The following YIPF7 variants were observed in gnomAD, a reference collection of about 807,000 sequenced individuals.
The protein encoded by YIPF7 is Yip1 domain family member 7, also known as protein YIPF7.
YIPF7 carries 35 observed loss-of-function variants against 27.2 expected under a neutral mutation model. The observed-to-expected ratio is 1.29, with a 90% CI of 0.98 to 1.70. YIPF7 has a LOEUF of 1.70. YIPF7 is among the 40% of genes most tolerant of loss of function. YIPF7 has a pLI of 0.00. For synonymous variants in YIPF7, 137 were observed against 110.4 expected, an observed-to-expected ratio of 1.24 and a Z score of -1.51; for missense variants, 358 against 303.7, an observed-to-expected ratio of 1.18 and a Z score of -1.33.
chr4:44,657,647 G>A (rs1324593753), intron 2 of YIPF7, among the ~76,000 whole-genome samples: 1 of 152,114 alleles, frequency 6.6e-6, no homozygotes, highest in Non-Finnish European at 1.5e-5. Flanking sequence ...GACCATTGCA[G>A]TCTTTCCGTC....
In YIPF7 at chr4:44,650,505, GCGCACA is replaced by G. The variant is rs1321574877; in HGVS notation, c.-1-410_-1-405del. ...CAGGCGCACACACATGCGCGCGCGC[GCGCACA>G]CACACACACACACACACACACTTGT... On this transcript the variant is annotated intron_variant, in intron 1 of 5. Transcript: ENST00000415895. Among the ~76,000 whole-genome samples the G allele has an allele frequency of 1.9e-3, 238 of 122,358 alleles. 2 individuals are homozygous for G. The highest frequency in any genetic ancestry group is 4.4e-3 in the South Asian group (18 of 4,088). The allele number at this position is 122,358 out of a possible 152,430, so 80.3% of individuals were successfully genotyped here.
chr4:44,636,974 G>A (rs958628366), intron 2 of YIPF7, among the ~76,000 whole-genome samples: 4 of 151,974 alleles, frequency 2.6e-5, no homozygotes, highest in Non-Finnish European at 5.9e-5. Flanking sequence ...CGTATTTTTA[G>A]CACGTTTATG....
upstream of YIPF7, among the ~76,000 whole-genome samples, chr4:44,655,839 C>T (rs1713886176): frequency 2.0e-5 from 3 of 148,004 alleles, no homozygotes; most frequent in Admixed American, 2.0e-4. Flanking sequence ...GAAACTACAG[C>T]CCTGAATATT....
chr4:44,626,950 T>TC (rs1712676246), intron 4 of YIPF7, among the ~76,000 whole-genome samples: 2 of 102,956 alleles, frequency 1.9e-5, no homozygotes, highest in Non-Finnish European at 4.3e-5. Context: ...TAATTTTCTG[T>TC]ATTTTTTTTT....
chr4:44,632,880 G>T (rs1712963602), intron 3 of YIPF7, among the ~76,000 whole-genome samples: 1 of 152,082 alleles, frequency 6.6e-6, no homozygotes, highest in Admixed American at 6.6e-5. Flanking sequence ...TTCTAATACA[G>T]GTGTCCCCAA....
chr4:44,644,844 G>T (rs551425401), intron 2 of YIPF7, among the ~76,000 whole-genome samples: 9 of 152,222 alleles, frequency 5.9e-5, no homozygotes, highest in African/African-American at 2.2e-4. Flanking sequence ...GGAGGTGATT[G>T]GATCATGGAG....
chr4:44,660,919 C>T (rs556968507), intron 1 of YIPF7, among the ~76,000 whole-genome samples: 15 of 152,060 alleles, frequency 9.9e-5, no homozygotes, highest in Admixed American at 2.0e-4. Context: ...TACTGGTGCC[C>T]AGGTTAATGT....
chr4:44,649,917 T>A (rs1469851376), intron 2 of YIPF7, 68 bp downstream of exon 2: 2 of 852,694 alleles, frequency 2.3e-6, no homozygotes, highest in Admixed American at 5.9e-5. Context: ...ATATTGAATT[T>A]TTACAATATG....
chr4:44,622,481 T>G lies in YIPF7; in HGVS notation c.704A>C (p.Gln235Pro), dbSNP rs371612304. ...IFIAALHMEG[Q>P]QLLVAYPCAI... ...ACAAGGGTAGGCAACAAGAAGCTGC[T>G]GTCCTTCCATGTGCAAGGCTGCAAT... Residue 235 changes from glutamine (Q) to proline (P), a missense_variant, in exon 6 of 6, where the codon CAG (glutamine) becomes CCG (proline). By Grantham distance (76) the Gln-to-Pro change is moderately conservative. Transcript: ENST00000415895. The G allele has an allele frequency of 2.3e-4, 376 of 1,613,826 alleles. No homozygotes were observed. The highest frequency in any genetic ancestry group is 3.1e-4 in the Non-Finnish European group (366 of 1,179,858).
chr4:44,636,403 CAT>C (rs1322426816), intron 2 of YIPF7, among the ~76,000 whole-genome samples: 2 of 152,198 alleles, frequency 1.3e-5, no homozygotes, highest in Middle Eastern at 3.4e-3. Context: ...CAGAAAAAGA[CAT>C]AGAATTTCAC....
chr4:44,624,620 C>T lies in YIPF7; in HGVS notation c.589G>A (p.Ala197Thr), dbSNP rs1037307165. 1.1e-5 allele frequency: 17 copies of T among 1,592,220 alleles called. No individual in the cohort carries two copies. The highest frequency in any genetic ancestry group is 1.8e-5 in the Admixed American group (1 of 56,876). Residue 197 changes from alanine to threonine, a missense_variant, in exon 5 of 6, where the codon GCC becomes ACC. Physicochemically the swap from Ala to Thr is moderately conservative, Grantham distance 58. Transcript: ENST00000415895. ...LLPMVILSGC[A>T]MFFSLQGIFG... ...ACTTACTGCAGTGAAAAGAACATGGCGCAACCAGACAGGATGACCATGGGG... is the reference window on the plus strand; with the variant it reads ...ACTTACTGCAGTGAAAAGAACATGGTGCAACCAGACAGGATGACCATGGGG...
intron 2 of YIPF7, among the ~76,000 whole-genome samples, chr4:44,647,688 C>T (rs1042785651): frequency 2.6e-5 from 4 of 152,034 alleles, no homozygotes; most frequent in African/African-American, 9.7e-5. Flanking sequence ...AGATATTCAA[C>T]TTTTCCAGCC....
intron 3 of YIPF7, among the ~76,000 whole-genome samples, chr4:44,634,784 T>A (rs1440933679): frequency 1.3e-5 from 2 of 152,174 alleles, no homozygotes; most frequent in African/African-American, 4.8e-5. Context: ...ATTCTTATGT[T>A]TCTATGTTTT....
chr4:44,631,330 C>T (rs1269549055), intron 3 of YIPF7, among the ~76,000 whole-genome samples: 1 of 152,072 alleles, frequency 6.6e-6, no homozygotes, highest in Non-Finnish European at 1.5e-5. Flanking sequence ...ACTCAACCAC[C>T]CTTCCAAGCT....
intron 2 of YIPF7, among the ~76,000 whole-genome samples, chr4:44,646,156 T>C (rs1365077847): frequency 6.6e-6 from 1 of 152,222 alleles, no homozygotes; most frequent in Non-Finnish European, 1.5e-5. Context: ...TAGAATTAAC[T>C]AGTTAAACAT....
chr4:44,628,899 T>G (rs1284260691), intron 4 of YIPF7, among the ~76,000 whole-genome samples: 1 of 152,130 alleles, frequency 6.6e-6, no homozygotes, highest in Non-Finnish European at 1.5e-5. Flanking sequence ...AAACAAAACA[T>G]AGGTTGTCAT....
upstream of YIPF7, among the ~76,000 whole-genome samples, chr4:44,655,512 C>G (rs907743311): frequency 5.3e-5 from 8 of 152,104 alleles, no homozygotes. Context: ...TTGTATCCCT[C>G]TACCCCAAAT....
At chr4:44,626,760 CAT>C (rs1712657190) in intron 4 of YIPF7, among the ~76,000 whole-genome samples, 1 of 79,340 alleles carries the variant, frequency 1.3e-5, no homozygotes, top group Non-Finnish European at 2.9e-5. Context: ...CTCATTAGCA[CAT>C]CTTTTTTTTT....
intron 2 of YIPF7, among the ~76,000 whole-genome samples, chr4:44,646,028 C>A (rs557601017): frequency 3.9e-5 from 6 of 152,200 alleles, no homozygotes; most frequent in African/African-American, 1.4e-4. Context: ...AAATTCTATA[C>A]TGGATACAAT....
Sources: allele counts gnomAD v4.1 joint callset (sites outside exome capture counted in the v4.1 genomes callset), GRCh38; gene constraint gnomAD v4.1.1; transcripts MANE v1.5; gene names NCBI Gene and HGNC (gene_info 2026-07-23, HGNC 2026-07-21).